RAB31: variants seen among roughly 807,000 people sequenced by gnomAD.
The protein encoded by RAB31 is RAB31, member RAS oncogene family.
Under a neutral mutation model 25.6 loss-of-function variants are expected in RAB31, and 21 were observed. The ratio of observed to expected loss-of-function variants is 0.82; its 90% CI spans 0.58 to 1.18. The LOEUF (loss-of-function observed/expected upper bound fraction) is 1.18, where lower values mean the gene tolerates loss of function less well. Among genes scored for constraint, RAB31 ranks in the 50% most tolerant of loss-of-function variants. The pLI is 0.00. For synonymous variants in RAB31, 87 were observed against 84.0 expected, an observed-to-expected ratio of 1.04 and a Z score of -0.20; for missense variants, 196 against 250.1, an observed-to-expected ratio of 0.78 and a Z score of 1.46.
At chr18:9,806,532 G>A (rs535881751) in intron 3 of RAB31, among the ~76,000 whole-genome samples, 5 of 152,184 alleles carry the variant, frequency 3.3e-5, no homozygotes, top group African/African-American at 7.2e-5. Context: ...CGAGAAGGCC[G>A]GGGCTGGAGA....
Position 9,708,440 on chromosome 18 carries a change from T to C in RAB31, c.35T>C (p.Leu12Pro). 1 of 1,569,152 alleles carries C rather than the reference T, an allele frequency of 6.4e-7. No individual in the cohort carries two copies. Among genetic ancestry groups the C allele is most frequent in the Non-Finnish European group, 8.6e-7 (1 of 1,159,356 alleles). Reference sequence around the variant, plus strand: ...ATACGGGAGCTCAAAGTGTGCCTTCTCGGGGTGAGTCCTGGCCGCCACCCG... The same window carrying C: ...ATACGGGAGCTCAAAGTGTGCCTTCCCGGGGTGAGTCCTGGCCGCCACCCG... ...MAIRELKVCL[L>P]GDTGVGKSSI... The change falls in exon 1 of 7, where the codon CTC becomes CCC. Residue 12 changes from leucine (L) to proline (P), a missense_variant. Transcript: ENST00000578921. The surrounding 1 kb of genome is among the most constrained non-coding windows in gnomAD (Gnocchi z 6.4).
intron 3 of RAB31, among the ~76,000 whole-genome samples, chr18:9,808,260 A>G (rs184296937): frequency 1.1e-4 from 16 of 152,368 alleles, no homozygotes; most frequent in Admixed American, 6.5e-4. Context: ...CTGTCATTGC[A>G]GAAGTAATGT....
At position 9,792,215 on chromosome 18, in the gene RAB31, G is replaced by A; in HGVS notation, c.181G>A (p.Asp61Asn). 1 of 1,612,368 alleles carries A rather than the reference G, an allele frequency of 6.2e-7. No individual in the cohort carries two copies. The highest frequency in any genetic ancestry group is 8.5e-7 in the Non-Finnish European group (1 of 1,179,200). The change falls in exon 3 of 7, where the codon GAC becomes AAC. Residue 61 changes from aspartate to asparagine, a missense_variant. Asp to Asn is a conservative substitution (Grantham distance 23). Transcript: ENST00000578921. ...GNELHKFLIW[D>N]TAGQERFHSL... The stretch of plus-strand genomic sequence containing the variant: ...TGAACTTCACAAGTTCCTCATCTGG[G>A]ACACTGCTGGTCAGGAACGGGTGAG...
intron 1 of RAB31, among the ~76,000 whole-genome samples, chr18:9,772,300 G>A (rs1011154224): frequency 6.6e-6 from 1 of 152,042 alleles, no homozygotes; most frequent in African/African-American, 2.4e-5. Flanking sequence ...AAGGAGGAAG[G>A]CCCCGGGGCA....
chr18:9,837,012 G>C (rs1447397076), intron 5 of RAB31, among the ~76,000 whole-genome samples: 1 of 151,530 alleles, frequency 6.6e-6, no homozygotes, highest in Non-Finnish European at 1.5e-5. Context: ...GAGAGTCTGT[G>C]TGTGTGGAAT....
intron 1 of RAB31, among the ~76,000 whole-genome samples, chr18:9,753,628 G>C (rs2068246209): frequency 6.6e-6 from 1 of 152,306 alleles, no homozygotes; most frequent in South Asian, 2.1e-4. Context: ...GCTTTTGAAG[G>C]CCTCTCCTGG....
chr18:9,799,782 A>AT (rs1214985974), intron 3 of RAB31, among the ~76,000 whole-genome samples: 1 of 152,214 alleles, frequency 6.6e-6, no homozygotes, highest in Non-Finnish European at 1.5e-5. Flanking sequence ...CTATTAACAA[A>AT]AATGTTTTTT....
chr18:9,800,109 G>C (rs934381972), intron 3 of RAB31, among the ~76,000 whole-genome samples: 1 of 152,220 alleles, frequency 6.6e-6, no homozygotes, highest in Non-Finnish European at 1.5e-5. Context: ...TACCTGCCCA[G>C]CTCCCTGCGG....
Position 9,861,123 on chromosome 18 carries a change from T to A in RAB31, c.*1798T>A, listed in dbSNP as rs868530081. The A allele has an allele frequency of 1.7e-3, 250 of 144,546 alleles. 1 individual carries two copies. The highest frequency in any genetic ancestry group is 7.1e-3 in the Middle Eastern group (2 of 282). 9.0% of individuals were successfully genotyped at this position (144,546 alleles called of 1,614,324 possible). The stretch of plus-strand genomic sequence containing the variant: ...AAAGGTAAAAAAAAAAAAAAAAAAA[T>A]GAGTTGAAAATTGAAGTGACCTCTT... On this transcript the variant is annotated 3_prime_UTR_variant, in exon 7 of 7. Coordinates refer to ENST00000578921, the MANE Select transcript of RAB31 (RefSeq NM_006868.4).
chr18:9,766,730 A>C lies in RAB31; in HGVS notation c.40-8548A>C, dbSNP rs1484266974. 3.9e-5 allele frequency among the ~76,000 whole-genome samples: 6 copies of C among 152,104 alleles called. No individual in the cohort carries two copies. The highest frequency in any genetic ancestry group is 1.3e-4 in the Admixed American group (2 of 15,262). ...AGCACTTTGGGAGGCTGAGGTGGGG[A>C]TCGCTTGAGGCCAGGAGTTTGAGAC... is the stretch of plus-strand genomic sequence containing the variant. On this transcript the variant is annotated intron_variant, in intron 1 of 6. Coordinates refer to ENST00000578921, the MANE Select transcript of RAB31 (RefSeq NM_006868.4). The surrounding 1 kb of genome is among the most constrained non-coding windows in gnomAD (Gnocchi z 4.3).
chr18:9,789,990 GA>G (rs1453056210), intron 2 of RAB31, among the ~76,000 whole-genome samples: 1 of 152,096 alleles, frequency 6.6e-6, no homozygotes, highest in African/African-American at 2.4e-5. Flanking sequence ...CTTATTCTTA[GA>G]AGATTTAGAG....
intron 5 of RAB31, among the ~76,000 whole-genome samples, chr18:9,828,206 T>C (rs909827476): frequency 1.3e-5 from 2 of 152,106 alleles, no homozygotes; most frequent in African/African-American, 2.4e-5. Context: ...GTGGGAAAGA[T>C]GGCGGGATGG....
At chr18:9,776,163 TC>T (rs753340416) in intron 2 of RAB31, among the ~76,000 whole-genome samples, 21 of 152,182 alleles carry the variant, frequency 1.4e-4, no homozygotes, top group Non-Finnish European at 2.5e-4. Context: ...ATTGTTAAAT[TC>T]TCCTGAGCTT....
chr18:9,840,789 A>C (rs1173738464), intron 5 of RAB31, among the ~76,000 whole-genome samples: 1 of 152,180 alleles, frequency 6.6e-6, no homozygotes, highest in Non-Finnish European at 1.5e-5. Context: ...TGCCCAACAG[A>C]CTACAAATTT....
intron 2 of RAB31, among the ~76,000 whole-genome samples, chr18:9,781,540 T>G (rs111442743): frequency 6.6e-6 from 1 of 152,216 alleles, no homozygotes; most frequent in African/African-American, 2.4e-5. Flanking sequence ...CTCGAGCTCC[T>G]TACCTCAGCT....
At chr18:9,848,580 C>T (rs2068773517) in intron 6 of RAB31, among the ~76,000 whole-genome samples, 1 of 152,210 alleles carries the variant, frequency 6.6e-6, no homozygotes, top group Non-Finnish European at 1.5e-5. Flanking sequence ...CTGCAGCAGA[C>T]TTTTCATTTA....
intron 1 of RAB31, among the ~76,000 whole-genome samples, chr18:9,735,940 G>A (rs2068148910): frequency 6.6e-6 from 1 of 152,136 alleles, no homozygotes. Flanking sequence ...GAGTACAAGG[G>A]ATCCTCCTGC....
chr18:9,854,687 A>G (rs937760654), intron 6 of RAB31, among the ~76,000 whole-genome samples: 1 of 152,190 alleles, frequency 6.6e-6, no homozygotes, highest in Admixed American at 6.5e-5. Context: ...TGGCAGCAAG[A>G]GGACAGTGAT....
intron 1 of RAB31, among the ~76,000 whole-genome samples, chr18:9,749,585 G>A (rs4798848): frequency 0.46 from 69,699 of 151,952 alleles, 16,049 homozygotes; most frequent in South Asian, 0.52. Flanking sequence ...TTCACATTTC[G>A]GTCTCCCAGG....
Sources: allele counts gnomAD v4.1 joint callset (sites outside exome capture counted in the v4.1 genomes callset), GRCh38; gene constraint gnomAD v4.1.1; non-coding constraint Gnocchi (gnomAD v3.1); transcripts MANE v1.5; gene names NCBI Gene and HGNC (gene_info 2026-07-23, HGNC 2026-07-21).